Variants in ERGIC2 observed in about 807,000 individuals in gnomAD.
ERGIC2 encodes endoplasmic reticulum-Golgi intermediate compartment protein 2.
A neutral mutation model predicts 52.5 loss-of-function variants in ERGIC2; 31 were observed. The observed-to-expected ratio is 0.59, with a 90% CI of 0.44 to 0.80. The LOEUF is 0.80. Ranked by LOEUF, ERGIC2 falls within the 30% of genes least tolerant of loss-of-function variation. The pLI is 0.00. For missense variants in ERGIC2, 395 were observed against 455.2 expected (o/e 0.87, Z 1.20); for synonymous variants, 129 against 140.6 (o/e 0.92, Z 0.58).
intron 10 of ERGIC2, 131 bp from the exon 11 acceptor site, chr12:29,345,671 T>A: frequency 1.5e-6 from 1 of 651,318 alleles, no homozygotes; most frequent in Non-Finnish European, 2.8e-6. Flanking sequence ...CTCAGCACTT[T>A]GGGAGGCTGA....
At chr12:29,349,927 C>A in intron 9 of ERGIC2, 86 bp downstream of exon 9, 1 of 749,654 alleles carries the variant, frequency 1.3e-6, no homozygotes, top group Admixed American at 2.6e-5. Flanking sequence ...CAAAACAGCT[C>A]ACTTTCAACT....
At chr12:29,351,799 C>A (rs977846958) in intron 8 of ERGIC2, among the ~76,000 whole-genome samples, 2 of 152,088 alleles carry the variant, frequency 1.3e-5, no homozygotes, top group Non-Finnish European at 1.5e-5. Flanking sequence ...TTCATTTTCA[C>A]GTTTTATGAT....
intron 1 of ERGIC2, among the ~76,000 whole-genome samples, chr12:29,374,480 TCCCAAATCTTGATTCTCTG>T (rs1940487500): frequency 1.3e-5 from 2 of 152,198 alleles, no homozygotes; most frequent in South Asian, 4.1e-4. Flanking sequence ...TGTTGATTTA[TCCCAAATCTTGATTCTCTG>T]CCCAGATCTC....
chr12:29,345,816 T>C, intron 10 of ERGIC2, among the ~76,000 whole-genome samples: 1 of 151,934 alleles, frequency 6.6e-6, no homozygotes, highest in East Asian at 2.0e-4. Context: ...CATGGTGGTA[T>C]GCACCTGTGG....
intron 5 of ERGIC2, among the ~76,000 whole-genome samples, chr12:29,364,107 T>C (rs993479898): frequency 1.3e-5 from 2 of 152,142 alleles, no homozygotes; most frequent in Non-Finnish European, 2.9e-5. Context: ...AATAAGTTTA[T>C]TTCATAGGAT....
Position 29,356,388 on chromosome 12 carries a change from AC to A in ERGIC2, c.565del (p.Val189TrpfsTer29). ...NKVAGNFHIT[V>X]GKAIPHPRGH... ...GTAAGTGAAAAGAACATACTTGCCCACTGTTATGTGAAAATTCCCTGCTACT... is the reference window on the plus strand; with the variant it reads ...GTAAGTGAAAAGAACATACTTGCCCATGTTATGTGAAAATTCCCTGCTACT... On this transcript the variant is annotated frameshift_variant, in exon 8 of 14. Coordinates refer to ENST00000360150, the MANE Select transcript of ERGIC2 (RefSeq NM_016570.3). LOFTEE classifies it high-confidence loss of function. The A allele has an allele frequency of 1.3e-6, 2 of 1,551,230 alleles. No individual in the cohort carries two copies. The highest frequency in any genetic ancestry group is 1.8e-6 in the Non-Finnish European group (2 of 1,122,784).
intron 5 of ERGIC2, among the ~76,000 whole-genome samples, chr12:29,362,521 C>T (rs779094269): frequency 2.0e-5 from 3 of 151,668 alleles, no homozygotes; most frequent in Non-Finnish European, 4.4e-5. Context: ...TGCTTGAACC[C>T]GGGAGGTGGA....
intron 6 of ERGIC2, among the ~76,000 whole-genome samples, chr12:29,360,534 T>C (rs1014565011): frequency 2.0e-5 from 3 of 147,694 alleles, no homozygotes; most frequent in Non-Finnish European, 4.5e-5. Context: ...ATATAATGAA[T>C]ATATAAACTT....
At chr12:29,375,762 C>T (rs572399115) in intron 1 of ERGIC2, among the ~76,000 whole-genome samples, 1 of 152,244 alleles carries the variant, frequency 6.6e-6, no homozygotes, top group East Asian at 1.9e-4. Context: ...GGCTCCCTAC[C>T]CATCTCTAGC....
intron 5 of ERGIC2, among the ~76,000 whole-genome samples, chr12:29,362,036 A>G (rs1366428809): frequency 1.3e-5 from 2 of 152,196 alleles, no homozygotes; most frequent in African/African-American, 4.8e-5. Context: ...GGGTACAAAA[A>G]TACAGAGTTA....
At chr12:29,378,174 T>C in intron 1 of ERGIC2, among the ~76,000 whole-genome samples, 1 of 152,184 alleles carries the variant, frequency 6.6e-6, no homozygotes, top group East Asian at 1.9e-4. Flanking sequence ...GAAGGCCATG[T>C]GAAGACACAG....
chr12:29,356,091 G>A (rs566467896), intron 8 of ERGIC2, among the ~76,000 whole-genome samples: 3 of 151,792 alleles, frequency 2.0e-5, no homozygotes, highest in Admixed American at 6.6e-5. Flanking sequence ...GCGCGATCTC[G>A]GCTCACTACA....
intron 7 of ERGIC2, among the ~76,000 whole-genome samples, chr12:29,356,760 A>T (rs1940211979): frequency 6.9e-6 from 1 of 144,070 alleles, no homozygotes; most frequent in Admixed American, 6.8e-5. Context: ...GACTAAAACA[A>T]AATAATTAGT....
chr12:29,377,907 TTTGAG>T (rs1940536087), intron 1 of ERGIC2, among the ~76,000 whole-genome samples: 1 of 152,234 alleles, frequency 6.6e-6, no homozygotes, highest in Non-Finnish European at 1.5e-5. Flanking sequence ...CTACCCAAGT[TTTGAG>T]TTAACTTCTA....
intron 6 of ERGIC2, among the ~76,000 whole-genome samples, chr12:29,359,592 C>T (rs920032193): frequency 2.6e-5 from 4 of 152,030 alleles, no homozygotes; most frequent in Admixed American, 1.3e-4. Context: ...GGAGAAATCT[C>T]ACTTTAATGT....
At chr12:29,341,844 T>C (rs930095569) in intron 12 of ERGIC2, 28 bp from the exon 13 acceptor site, 13 of 1,080,500 alleles carry the variant, frequency 1.2e-5, no homozygotes, top group Admixed American at 1.8e-5. Context: ...TTTATGCTTT[T>C]AATTATTTCC....
chr12:29,372,303 A>G (rs1367539508), intron 1 of ERGIC2, among the ~76,000 whole-genome samples: 2 of 152,076 alleles, frequency 1.3e-5, no homozygotes, highest in East Asian at 1.9e-4. Flanking sequence ...AGATCATGCC[A>G]CTGCACTGCA....
chr12:29,379,960 A>G (rs939647794), intron 1 of ERGIC2, among the ~76,000 whole-genome samples: 5 of 151,916 alleles, frequency 3.3e-5, no homozygotes, highest in Admixed American at 2.6e-4. Flanking sequence ...ACTAGGCCTG[A>G]TTTCCTTTGA....
rs1341384608 is a variant in ERGIC2 at position 29,345,685 on chromosome 12, A to G, written c.728-145T>C. 5 of 627,732 alleles carry G rather than the reference A, an allele frequency of 8.0e-6. No individual in the cohort carries two copies. The East Asian group carries it at 1.1e-4, about 14-fold the overall frequency. The allele number at this position is 627,732 out of a possible 1,614,324, so 38.9% of individuals were successfully genotyped here. On this transcript the variant is annotated intron_variant, in intron 10 of 13. Coordinates refer to ENST00000360150, the MANE Select transcript of ERGIC2 (RefSeq NM_016570.3). ...TCTCAGCACTTTGGGAGGCTGACGA[A>G]GGAGGACTGCTTGAGTGTGGGAGTT...
Sources: gnomAD v4.1 joint callset for allele counts (sites outside exome capture counted in the v4.1 genomes callset) on GRCh38, gnomAD v4.1.1 for gene constraint, MANE v1.5 for transcripts, NCBI Gene and HGNC (gene_info 2026-07-23, HGNC 2026-07-21) for gene names.